ABHD16A: variants seen among roughly 807,000 people sequenced by gnomAD.
ABHD16A encodes abhydrolase domain containing 16A, phospholipase.
In ABHD16A, 47 loss-of-function variants were observed where a neutral mutation model predicts 89.8. The observed-to-expected ratio is 0.52, with a 90% CI of 0.41 to 0.67. The LOEUF (loss-of-function observed/expected upper bound fraction) is 0.67, where lower values mean the gene tolerates loss of function less well. Ranked by LOEUF, ABHD16A falls within the 30% of genes least tolerant of loss-of-function variation. The pLI is 0.00. For missense variants in ABHD16A, 580 were observed against 734.6 expected (o/e 0.79, Z 2.43); for synonymous variants, 251 against 280.4 (o/e 0.90, Z 1.05).
chr6:31,690,642 T>C lies in ABHD16A; in HGVS notation c.844-40A>G, dbSNP rs1489022044. On this transcript the variant is annotated intron_variant, in intron 9 of 19. Coordinates refer to ENST00000395952, the MANE Select transcript of ABHD16A (RefSeq NM_021160.3). The surrounding 1 kb of genome is among the most constrained non-coding windows in gnomAD (Gnocchi z 4.1). ...GGAAGGAAGGGCTGGGGGGCCAAGT[T>C]GGGACTGAAAAACTCCCTTTGGGCA... is the stretch of plus-strand genomic sequence containing the variant. 2.5e-6 allele frequency: 4 copies of C among 1,603,256 alleles called. No homozygotes were observed. The highest frequency in any genetic ancestry group is 3.4e-6 in the Non-Finnish European group (4 of 1,171,632).
chr6:31,688,581 T>C lies in ABHD16A; in HGVS notation c.1250+142A>G. The stretch of plus-strand genomic sequence containing the variant: ...GGGGACCTGGGAGGGGTTAGGCCAG[T>C]TGAGGTGGTGGCAGGGTCACTCAGG... On this transcript the variant is annotated intron_variant, in intron 14 of 19. Coordinates refer to ENST00000395952, the MANE Select transcript of ABHD16A (RefSeq NM_021160.3). The surrounding 1 kb of genome is among the most constrained non-coding windows in gnomAD (Gnocchi z 4.9). The C allele has an allele frequency of 9.7e-7, 1 of 1,028,630 alleles. No homozygotes were observed. Among genetic ancestry groups the C allele is most frequent in the Non-Finnish European group, 1.4e-6 (1 of 698,876 alleles). The allele number at this position is 1,028,630 out of a possible 1,614,324, so 63.7% of individuals were successfully genotyped here.
chr6:31,700,780 A>T (rs950846296), intron 4 of ABHD16A, among the ~76,000 whole-genome samples, 162 bp downstream of exon 4: 1 of 123,244 alleles, frequency 8.1e-6, no homozygotes, highest in Non-Finnish European at 1.7e-5. Flanking sequence ...TTATTTTTTC[A>T]TATTTATAAC....
At position 31,688,465 on chromosome 6, in the gene ABHD16A, G is replaced by A; in HGVS notation, c.1251-160C>T. ...AGGGGTGAGAGGGGATTATTTAAGG[G>A]GCATGGTTCAGTCTGGCCCTGCTGG... On this transcript the variant is annotated intron_variant, in intron 14 of 19. Coordinates refer to ENST00000395952, the MANE Select transcript of ABHD16A (RefSeq NM_021160.3). This position sits in a 1 kb window ranked among gnomAD's most constrained non-coding sequence, Gnocchi z 4.9. 1.2e-6 allele frequency: 1 copy of A among 845,560 alleles called. No individual in the cohort carries two copies. Among genetic ancestry groups the A allele is most frequent in the Non-Finnish European group, 1.9e-6 (1 of 535,760 alleles). The allele number at this position is 845,560 out of a possible 1,614,324, so 52.4% of individuals were successfully genotyped here.
At position 31,687,134 on chromosome 6, in the gene ABHD16A, A is replaced by C; in HGVS notation, c.*78T>G. 1 of 1,360,990 alleles carries C rather than the reference A, an allele frequency of 7.3e-7. No individual in the cohort carries two copies. The highest frequency in any genetic ancestry group is 1.0e-6 in the Non-Finnish European group (1 of 976,362). The allele number at this position is 1,360,990 out of a possible 1,614,324, so 84.3% of individuals were successfully genotyped here. A position where few individuals can be genotyped will look rare whatever the true frequency, so the allele number is the denominator to read the frequency against. The stretch of plus-strand genomic sequence containing the variant: ...ACAAACTATAAACAGCAACATGAAC[A>C]CAGAGAATCACAAATAAGAGGGTCT... On this transcript the variant is annotated 3_prime_UTR_variant, in exon 20 of 20. Coordinates refer to ENST00000395952, the MANE Select transcript of ABHD16A (RefSeq NM_021160.3). This position sits in a 1 kb window ranked among gnomAD's most constrained non-coding sequence, Gnocchi z 6.3.
rs1214308447 is a variant in ABHD16A at position 31,691,877 on chromosome 6, G to A, written c.668C>T (p.Pro223Leu). The change falls in exon 8 of 20, where the codon CCA (proline) becomes CTA (leucine). Residue 223 changes from proline to leucine, a missense_variant. Physicochemically the swap from Pro to Leu is moderately conservative, Grantham distance 98 (BLOSUM62 -3). Transcript: ENST00000395952. ...CTTCTGCAGCAGGTACACAGAGCCT[G>A]GATACAGCATCCGGCGCCCTAGGGT... ...AHTLGRRMLY[P>L]GSVYLLQKAL... The A allele has an allele frequency of 6.2e-7, 1 of 1,611,358 alleles. No homozygotes were observed. The highest frequency in any genetic ancestry group is 8.5e-7 in the Non-Finnish European group (1 of 1,179,742).
In ABHD16A at chr6:31,687,744, G is replaced by C. The variant is rs370370622; in HGVS notation, c.1448-4C>G. The C allele has an allele frequency of 1.9e-5, 31 of 1,612,844 alleles. No homozygotes were observed. In the African/African-American group the frequency reaches 3.9e-4, roughly 20 times the overall value. ...TCCCATCGGCTATAAATTGAGGCTG[G>C]TCAGGGAGAGAGATGACAGCCAGTC... On this transcript the variant is annotated splice_polypyrimidine_tract_variant and splice_region_variant and intron_variant, in intron 17 of 19. Coordinates refer to ENST00000395952, the MANE Select transcript of ABHD16A (RefSeq NM_021160.3). This position sits in a 1 kb window ranked among gnomAD's most constrained non-coding sequence, Gnocchi z 6.3.
chr6:31,692,872 T>C, intron 7 of ABHD16A, 155 bp downstream of exon 7: 2 of 1,010,952 alleles, frequency 2.0e-6, no homozygotes, highest in Non-Finnish European at 3.0e-6. Context: ...AACATAAATA[T>C]GGATAAAAAT....
intron 5 of ABHD16A, among the ~76,000 whole-genome samples, chr6:31,695,572 T>C (rs1804307109): frequency 6.6e-6 from 1 of 150,976 alleles, no homozygotes; most frequent in Non-Finnish European, 1.5e-5. Context: ...AAAAATACAA[T>C]ATTAGCTGGG....
At chr6:31,691,479 G>A in intron 9 of ABHD16A, 100 bp downstream of exon 9, 1 of 1,010,386 alleles carries the variant, frequency 9.9e-7, no homozygotes, top group Non-Finnish European at 1.5e-6. Flanking sequence ...ATTATCCCCA[G>A]TAGTGGTTCC....
chr6:31,701,191 G>T, intron 3 of ABHD16A, 83 bp downstream of exon 3: 1 of 1,436,122 alleles, frequency 7.0e-7, no homozygotes, highest in Non-Finnish European at 9.8e-7. Context: ...ATCTTCACAG[G>T]TCCCCTCTCC....
rs377441824 is a variant in ABHD16A, at chr6:31,703,197, C to G, written c.85G>C (p.Val29Leu). ...ERDSERAPAS[V>L]PETPTAVTAP... ...GTGACTGCCGTTGGCGTCTCAGGGA[C>G]GCTGGCCGGGGCCCTTTCAGAGTCC... Residue 29 changes from valine to leucine, a missense_variant, in exon 1 of 20, where the codon GTC (valine) becomes CTC (leucine). Around this residue, in one of 2 missense-constraint regions of ABHD16A, gnomAD observed 165 missense variants for 165.8 expected, o/e 1.00. Transcript: ENST00000395952. 1.9e-4 allele frequency: 276 copies of G among 1,437,410 alleles called. 4 individuals are homozygous for G. In the South Asian group the frequency reaches 3.8e-3, roughly 20 times the overall value. The allele number at this position is 1,437,410 out of a possible 1,614,324, so 89.0% of individuals were successfully genotyped here. A position where few individuals can be genotyped will look rare whatever the true frequency, so the allele number is the denominator to read the frequency against.
At chr6:31,701,052 G>A (rs1050389666) in intron 3 of ABHD16A, 24 bp from the exon 4 acceptor site, 1 of 1,577,894 alleles carries the variant, frequency 6.3e-7, no homozygotes, top group Non-Finnish European at 8.7e-7. Context: ...GGGACAATGT[G>A]AGACCCTCTC....
chr6:31,694,083 C>A (rs1309483703), intron 5 of ABHD16A, among the ~76,000 whole-genome samples: 1 of 150,128 alleles, frequency 6.7e-6, no homozygotes, highest in Non-Finnish European at 1.5e-5. Context: ...GAGGCAGGGT[C>A]TCGTGCTGTT....
chr6:31,700,791 C>A, intron 4 of ABHD16A, 151 bp downstream of exon 4: 1 of 647,604 alleles, frequency 1.5e-6, no homozygotes, highest in South Asian at 2.1e-5. Flanking sequence ...TATTTATAAC[C>A]CAAGTCTTTT....
At chr6:31,700,733 T>TA (rs879455056) in intron 4 of ABHD16A, among the ~76,000 whole-genome samples, 140 of 142,596 alleles carry the variant, frequency 9.8e-4, no homozygotes, top group East Asian at 2.4e-3. Context: ...CCCTATCTCT[T>TA]AAAAAAAAAA....
chr6:31,695,099 C>T (rs1163699647), intron 5 of ABHD16A, among the ~76,000 whole-genome samples: 1 of 152,176 alleles, frequency 6.6e-6, no homozygotes, highest in African/African-American at 2.4e-5. Flanking sequence ...TACGCAGCTC[C>T]ATAGTGTGGA....
At chr6:31,692,986 C>T in intron 7 of ABHD16A, 41 bp downstream of exon 7, 1 of 1,614,154 alleles carries the variant, frequency 6.2e-7, no homozygotes, top group Non-Finnish European at 8.5e-7. Flanking sequence ...CTGAAATGGC[C>T]CCTCCACCCC....
chr6:31,693,138 C>T lies in ABHD16A; in HGVS notation c.515G>A (p.Arg172Gln), dbSNP rs768974381. Residue 172 changes from arginine (R) to glutamine (Q), a missense_variant, in exon 7 of 20, where the codon CGA (arginine) becomes CAA (glutamine). By Grantham distance (43) the Arg-to-Gln change is conservative. Transcript: ENST00000395952. This position sits in a 1 kb window ranked among gnomAD's most constrained non-coding sequence, Gnocchi z 5.0. ...CACACCCCGGCGGGAAGGGCCCCCTCGAGACTCCTTCCTGAGGAAGGGAAA... is the reference window on the plus strand; with the variant it reads ...CACACCCCGGCGGGAAGGGCCCCCTTGAGACTCCTTCCTGAGGAAGGGAAA... Reference protein sequence around the residue: ...WEEPSSRKESRGGPSRRGVAL... With the variant: ...WEEPSSRKESQGGPSRRGVAL... 6.8e-6 allele frequency: 11 copies of T among 1,612,920 alleles called. No homozygotes were observed. Among genetic ancestry groups the T allele is most frequent in the South Asian group, 4.4e-5 (4 of 90,964 alleles).
chr6:31,692,014 CTGCT>C, intron 7 of ABHD16A, 96 bp from the exon 8 acceptor site: 1 of 889,708 alleles, frequency 1.1e-6, no homozygotes, highest in Non-Finnish European at 1.7e-6. Context: ...ACTGTAAGGC[CTGCT>C]TTACCCCTGA....
Sources: allele counts gnomAD v4.1 joint callset (sites outside exome capture counted in the v4.1 genomes callset), GRCh38; gene constraint gnomAD v4.1.1; regional missense constraint gnomAD v4.1.1; non-coding constraint Gnocchi (gnomAD v3.1); transcripts MANE v1.5; gene names NCBI Gene and HGNC (gene_info 2026-07-23, HGNC 2026-07-21).